HCRTR2: variants seen among roughly 807,000 people sequenced by gnomAD.
HCRTR2 encodes hypocretin receptor 2.
In HCRTR2, 22 loss-of-function variants were observed where a neutral mutation model predicts 49.0. The observed-to-expected ratio is 0.45, with a 90% confidence interval of 0.32 to 0.64. The LOEUF is 0.64. Ranked by LOEUF, HCRTR2 falls within the 30% of genes least tolerant of loss-of-function variation. HCRTR2 has a pLI of 0.04. For missense variants in HCRTR2, 491 were observed against 559.4 expected, an observed-to-expected ratio of 0.88 and a Z score of 1.23; for synonymous variants, 236 against 205.3, an observed-to-expected ratio of 1.15 and a Z score of -1.28.
chr6:55,166,164 T>C (rs1313791566), intron 1 of HCRTR2, among the ~76,000 whole-genome samples: 1 of 152,094 alleles, frequency 6.6e-6, no homozygotes, highest in Non-Finnish European at 1.5e-5. Context: ...CTTCCACCCC[T>C]GGGATAAATC....
intron 1 of HCRTR2, among the ~76,000 whole-genome samples, chr6:55,234,671 G>A (rs1054100481): frequency 1.9e-4 from 29 of 151,830 alleles, no homozygotes; most frequent in African/African-American, 6.8e-4. Flanking sequence ...CAAAAAGTGG[G>A]GAAAAAAACT....
chr6:55,130,883 G>A (rs1764346718), intron 1 of HCRTR2, among the ~76,000 whole-genome samples: 1 of 151,702 alleles, frequency 6.6e-6, no homozygotes, highest in Non-Finnish European at 1.5e-5. Flanking sequence ...CTCTGGCTTG[G>A]GCAAATCTTC....
intron 1 of HCRTR2, among the ~76,000 whole-genome samples, chr6:55,124,935 T>TC (rs1180782509): frequency 1.3e-5 from 1 of 74,136 alleles, no homozygotes; most frequent in African/African-American, 3.8e-5. Flanking sequence ...AACTCCTGCT[T>TC]TTTTTTTTTT....
upstream of HCRTR2, among the ~76,000 whole-genome samples, chr6:55,172,708 C>T (rs977191962): frequency 2.6e-5 from 4 of 152,010 alleles, no homozygotes; most frequent in South Asian, 2.1e-4. Flanking sequence ...CCAGGAACAG[C>T]TTCCTCATCT....
At chr6:55,248,847 A>G in intron 2 of HCRTR2, 30 bp downstream of exon 2, 1 of 1,583,484 alleles carries the variant, frequency 6.3e-7, no homozygotes, top group Non-Finnish European at 8.7e-7. Context: ...TTTTGAAGCT[A>G]CTAAAAAGAA....
intron 1 of HCRTR2, among the ~76,000 whole-genome samples, chr6:55,153,987 A>G (rs1316497784): frequency 6.6e-6 from 1 of 151,918 alleles, no homozygotes; most frequent in Non-Finnish European, 1.5e-5. Context: ...ATAAGGTACT[A>G]TTATGAACAA....
chr6:55,182,636 A>T (rs1333334880), intron 1 of HCRTR2, among the ~76,000 whole-genome samples: 1 of 152,324 alleles, frequency 6.6e-6, no homozygotes, highest in East Asian at 1.9e-4. Flanking sequence ...CTGAGTCAGA[A>T]CTATTCAGCT....
intron 1 of HCRTR2, among the ~76,000 whole-genome samples, chr6:55,133,697 CT>C (rs1198725373): frequency 1.6e-4 from 22 of 133,958 alleles, no homozygotes; most frequent in Non-Finnish European, 2.1e-4. Flanking sequence ...ATCTATCTAT[CT>C]ATCTATATCT....
chr6:55,113,908 C>T (rs1346120013), intron 1 of HCRTR2, among the ~76,000 whole-genome samples: 1 of 151,610 alleles, frequency 6.6e-6, no homozygotes, highest in East Asian at 1.9e-4. Context: ...TGCCCATGAA[C>T]CAGCAGTGGA....
intron 1 of HCRTR2, among the ~76,000 whole-genome samples, chr6:55,157,408 C>A (rs1458190325): frequency 6.6e-6 from 1 of 152,214 alleles, no homozygotes; most frequent in African/African-American, 2.4e-5. Context: ...TGACTCCAGG[C>A]CCGGGCTCTT....
intron 2 of HCRTR2, among the ~76,000 whole-genome samples, chr6:55,254,535 G>T (rs562405859): frequency 1.3e-5 from 2 of 152,132 alleles, no homozygotes; most frequent in South Asian, 2.1e-4. Flanking sequence ...AAGGAGATTC[G>T]CATACAAAAT....
intron 1 of HCRTR2, among the ~76,000 whole-genome samples, chr6:55,144,981 T>C (rs1764559158): frequency 6.6e-6 from 1 of 152,192 alleles, no homozygotes; most frequent in Non-Finnish European, 1.5e-5. Context: ...TTTTCTTTTT[T>C]AAATTAATTA....
At chr6:55,280,173 T>A in intron 5 of HCRTR2, 150 bp from the exon 6 acceptor site, 1 of 621,406 alleles carries the variant, frequency 1.6e-6, no homozygotes, top group Non-Finnish European at 2.9e-6. Flanking sequence ...ACTGAAGTTA[T>A]TCTAAACCAA....
intron 1 of HCRTR2, among the ~76,000 whole-genome samples, chr6:55,134,129 C>G (rs576075582): frequency 5.9e-5 from 9 of 151,876 alleles, no homozygotes; most frequent in African/African-American, 2.2e-4. Flanking sequence ...ACAAACTAAG[C>G]ACATTTTATT....
At chr6:55,177,236 A>C (rs1010973295) in intron 1 of HCRTR2, among the ~76,000 whole-genome samples, 4 of 152,200 alleles carry the variant, frequency 2.6e-5, no homozygotes, top group African/African-American at 9.7e-5. Context: ...GCCTTAAAGA[A>C]ACTGACAGCT....
intron 3 of HCRTR2, among the ~76,000 whole-genome samples, chr6:55,259,372 T>A (rs1446789599): frequency 6.6e-6 from 1 of 152,108 alleles, no homozygotes; most frequent in East Asian, 1.9e-4. Flanking sequence ...GTAAAACATA[T>A]TAAAGATTCA....
At chr6:55,107,929 G>A (rs1763997518) in intron 1 of HCRTR2, among the ~76,000 whole-genome samples, 3 of 151,880 alleles carry the variant, frequency 2.0e-5, no homozygotes, top group Admixed American at 6.6e-5. Flanking sequence ...CATATTCATT[G>A]CTTATGATTT....
rs139774957 is a variant in HCRTR2 at position 55,197,103 on chromosome 6, A to G, written c.223+22293A>G. ...CTTTTACCCTAAAACCAACTGTAAA[A>G]CTAAATTTAACTCTAAACGTAATCC... On this transcript the variant is annotated intron_variant, in intron 1 of 6. Coordinates refer to ENST00000370862, the MANE Select transcript of HCRTR2 (RefSeq NM_001384272.1). Among the ~76,000 whole-genome samples the G allele has an allele frequency of 9.5e-3, 1,447 of 152,314 alleles. 27 individuals carry two copies. Among genetic ancestry groups the G allele is most frequent in the African/African-American group, 0.032 (1,317 of 41,564 alleles).
intron 1 of HCRTR2, among the ~76,000 whole-genome samples, chr6:55,176,575 T>C (rs1007906964): frequency 5.3e-5 from 8 of 152,186 alleles, no homozygotes; most frequent in African/African-American, 1.9e-4. Context: ...GAGCCCTTCA[T>C]GTACATTCTC....
Sources: gnomAD v4.1 joint callset for allele counts (sites outside exome capture counted in the v4.1 genomes callset) on GRCh38, gnomAD v4.1.1 for gene constraint, MANE v1.5 for transcripts, NCBI Gene and HGNC (gene_info 2026-07-23, HGNC 2026-07-21) for gene names.